Variants in MBNL1 observed in about 807,000 individuals in gnomAD.
The protein encoded by MBNL1 is muscleblind like splicing regulator 1.
In MBNL1, 8 loss-of-function variants were observed where a neutral mutation model predicts 42.2. That is an observed-to-expected ratio of 0.19 (90% CI 0.11 to 0.34). The LOEUF (loss-of-function observed/expected upper bound fraction) is 0.34, where lower values mean the gene tolerates loss of function less well. Among genes scored for constraint, MBNL1 ranks in the 10% least tolerant of loss-of-function variants. The pLI is 1.00. For missense variants in MBNL1, 309 were observed against 495.3 expected, an observed-to-expected ratio of 0.62 and a Z score of 3.57; for synonymous variants, 169 against 173.9, an observed-to-expected ratio of 0.97 and a Z score of 0.22.
intron 1 of MBNL1, among the ~76,000 whole-genome samples, chr3:152,293,581 T>C (rs1282747465): frequency 1.3e-5 from 2 of 152,214 alleles, no homozygotes; most frequent in African/African-American, 4.8e-5. Context: ...ACTCCAAACT[T>C]ACAGGGTGAA....
At chr3:152,326,515 T>A (rs867764735) in intron 2 of MBNL1, among the ~76,000 whole-genome samples, 2 of 152,232 alleles carry the variant, frequency 1.3e-5, no homozygotes, top group Middle Eastern at 3.4e-3. Flanking sequence ...AGCCATGATA[T>A]TTTTTAGAGT....
chr3:152,302,911 C>T (rs1169248272), intron 2 of MBNL1, among the ~76,000 whole-genome samples: 2 of 151,884 alleles, frequency 1.3e-5, no homozygotes, highest in Non-Finnish European at 2.9e-5. Context: ...TCTGAGAGGA[C>T]CCTATGAAAT....
chr3:152,446,457 T>C (rs2099227872), intron 5 of MBNL1, among the ~76,000 whole-genome samples: 1 of 152,336 alleles, frequency 6.6e-6, no homozygotes, highest in East Asian at 1.9e-4. Flanking sequence ...TAGAGTATCT[T>C]GTTTGTAATT....
At chr3:152,431,289 G>A (rs2099003832) in intron 3 of MBNL1, among the ~76,000 whole-genome samples, 1 of 152,134 alleles carries the variant, frequency 6.6e-6, no homozygotes, top group Admixed American at 6.5e-5. Context: ...ACATTGCCAG[G>A]TGTCTCCTGA....
At chr3:152,336,355 A>AT (rs2090176327) in intron 2 of MBNL1, among the ~76,000 whole-genome samples, 1 of 152,116 alleles carries the variant, frequency 6.6e-6, no homozygotes, top group East Asian at 1.9e-4. Flanking sequence ...TTGATTTTTA[A>AT]TTTTTTATTT....
chr3:152,337,488 C>T (rs1043840510), intron 2 of MBNL1, among the ~76,000 whole-genome samples: 2 of 151,942 alleles, frequency 1.3e-5, no homozygotes, highest in Non-Finnish European at 2.9e-5. Flanking sequence ...TGTGGTTGTG[C>T]ACGCCTGTAG....
intron 1 of MBNL1, among the ~76,000 whole-genome samples, chr3:152,297,812 C>A (rs1272866386): frequency 6.6e-6 from 1 of 151,912 alleles, no homozygotes; most frequent in Non-Finnish European, 1.5e-5. Flanking sequence ...GCCACCACCA[C>A]GCCCAGCTAA....
At chr3:152,252,130 ACCTACCTT>A (rs1237425166) in intron 2 of MBNL1, among the ~76,000 whole-genome samples, 2 of 107,702 alleles carry the variant, frequency 1.9e-5, no homozygotes, top group Non-Finnish European at 4.2e-5. Flanking sequence ...GAACAAACTA[ACCTACCTT>A]CCTTCCTTCC....
chr3:152,447,545 A>C, intron 5 of MBNL1, 75 bp from the exon 6 acceptor site: 1 of 1,203,048 alleles, frequency 8.3e-7, no homozygotes, highest in East Asian at 2.5e-5. Context: ...TAACAATTTT[A>C]GCCTTCGACT....
intron 2 of MBNL1, among the ~76,000 whole-genome samples, chr3:152,368,011 C>G (rs1157012509): frequency 6.6e-6 from 1 of 151,144 alleles, no homozygotes; most frequent in African/African-American, 2.4e-5. Flanking sequence ...TTTTGCTATG[C>G]AGAAGCTTTT....
rs950845160 is a variant in MBNL1, at chr3:152,338,699, C to T, written c.174+38332C>T. 5 of 984,868 alleles carry T rather than the reference C, an allele frequency of 5.1e-6. No homozygotes were observed. The African/African-American group carries it at 8.7e-5, about 17-fold the overall frequency. The allele number at this position is 984,868 out of a possible 1,614,324, so 61.0% of individuals were successfully genotyped here. ...GTAAGATTCTGATTTCTCTAGGAAG[C>T]CGTTCTAGAAGCTAAAAACAAAACC... On this transcript the variant is annotated intron_variant, in intron 2 of 9. Transcript: ENST00000324210.
chr3:152,315,876 T>A (rs961475993), intron 2 of MBNL1, among the ~76,000 whole-genome samples: 6 of 151,400 alleles, frequency 4.0e-5, no homozygotes, highest in African/African-American at 1.5e-4. Context: ...ACTCTCTCTC[T>A]CTCTCTCTCT....
intron 2 of MBNL1, among the ~76,000 whole-genome samples, chr3:152,357,450 C>A (rs957871672): frequency 1.3e-5 from 2 of 152,124 alleles, no homozygotes; most frequent in African/African-American, 4.8e-5. Context: ...ATCATGATAG[C>A]AGTTTTCTCA....
chr3:152,377,193 T>A (rs2096944339), intron 2 of MBNL1, among the ~76,000 whole-genome samples: 1 of 152,216 alleles, frequency 6.6e-6, no homozygotes, highest in African/African-American at 2.4e-5. Flanking sequence ...AGATGATATT[T>A]TACTACATTT....
At chr3:152,269,318 GCT>G in intron 1 of MBNL1, 4 of 348,522 alleles carry the variant, frequency 1.1e-5, no homozygotes, top group Non-Finnish European at 2.3e-5. Context: ...CCTGCCGCGG[GCT>G]CTGCGGACGC....
chr3:152,259,384 C>T (rs1055512914), intron 2 of MBNL1, among the ~76,000 whole-genome samples: 1 of 152,026 alleles, frequency 6.6e-6, no homozygotes, highest in Non-Finnish European at 1.5e-5. Context: ...GCACAGGTTA[C>T]CTTATATCCA....
intron 1 of MBNL1, among the ~76,000 whole-genome samples, chr3:152,283,388 T>A (rs77427177): frequency 6.6e-6 from 1 of 152,050 alleles, no homozygotes; most frequent in Non-Finnish European, 1.5e-5. Context: ...GTTGTTGTTG[T>A]TGGTGGTGGT....
intron 2 of MBNL1, among the ~76,000 whole-genome samples, chr3:152,333,154 C>G (rs899634830): frequency 2.0e-5 from 3 of 152,120 alleles, no homozygotes; most frequent in Non-Finnish European, 2.9e-5. Flanking sequence ...TTATTGGCAA[C>G]AATGGTAATC....
At chr3:152,305,967 A>G (rs1422167730) in intron 2 of MBNL1, among the ~76,000 whole-genome samples, 1 of 152,224 alleles carries the variant, frequency 6.6e-6, no homozygotes, top group South Asian at 2.1e-4. Flanking sequence ...AAAACTTTCT[A>G]TGCTATGAGC....
Sources: gnomAD v4.1 joint callset for allele counts (sites outside exome capture counted in the v4.1 genomes callset) on GRCh38, gnomAD v4.1.1 for gene constraint, MANE v1.5 for transcripts, NCBI Gene and HGNC (gene_info 2026-07-23, HGNC 2026-07-21) for gene names.